Variants in BLNK observed in about 807,000 individuals in gnomAD.
The protein encoded by BLNK is B cell linker.
In BLNK, 29 loss-of-function variants were observed where a neutral mutation model predicts 73.5. The ratio of observed to expected loss-of-function variants is 0.39; its 90% CI spans 0.29 to 0.54. The LOEUF is 0.54. Among genes scored for constraint, BLNK ranks in the 20% least tolerant of loss-of-function variants. BLNK has a pLI of 0.61. For missense variants in BLNK, 460 were observed against 562.8 expected, an observed-to-expected ratio of 0.82 and a Z score of 1.85; for synonymous variants, 176 against 200.8, an observed-to-expected ratio of 0.88 and a Z score of 1.04.
Position 96,223,041 on chromosome 10 carries a change from CGATA to C in BLNK, c.525+781_525+784del, listed in dbSNP as rs1220366046. Among the ~76,000 whole-genome samples the C allele has an allele frequency of 5.9e-5, 9 of 152,138 alleles. No individual in the cohort carries two copies. The East Asian group carries it at 1.7e-3, about 29-fold the overall frequency. ...CCTGAAACTGGTGATGAGCAGTTTC[CGATA>C]AGATCTCAGGAGTTGGGCAAGTGGG... On this transcript the variant is annotated intron_variant, in intron 6 of 16. Coordinates refer to ENST00000224337, the MANE Select transcript of BLNK (RefSeq NM_013314.4).
chr10:96,238,372 C>T (rs1842770501), intron 3 of BLNK, among the ~76,000 whole-genome samples: 1 of 152,188 alleles, frequency 6.6e-6, no homozygotes, highest in South Asian at 2.1e-4. Flanking sequence ...GTTTCCAGAA[C>T]TGGAAAGAGG....
chr10:96,223,838 G>C lies in BLNK; in HGVS notation c.513C>G (p.Leu171=). 1 of 1,613,838 alleles carries C rather than the reference G, an allele frequency of 6.2e-7. No individual in the cohort carries two copies. The highest frequency in any genetic ancestry group is 8.5e-7 in the Non-Finnish European group (1 of 1,180,014). Residue 171 remains leucine (L), a synonymous_variant, in exon 6 of 17, where the codon CTC becomes CTG. Coordinates refer to ENST00000224337, the MANE Select transcript of BLNK (RefSeq NM_013314.4). ...KPQVPPKPKG[L]LEDEADYVVP... ...AGATTTACTTTACCTCATCCTCAAG[G>C]AGGCCTTTGGGTTTGGGTGGGACTT...
At chr10:96,215,215 C>T in intron 8 of BLNK, 106 bp downstream of exon 8, 2 of 1,283,738 alleles carry the variant, frequency 1.6e-6, no homozygotes, top group Non-Finnish European at 2.3e-6. Context: ...CCTTCTGTTC[C>T]CAATATTAAG....
At chr10:96,251,300 C>G (rs1843275616) in intron 1 of BLNK, among the ~76,000 whole-genome samples, 1 of 152,216 alleles carries the variant, frequency 6.6e-6, no homozygotes, top group South Asian at 2.1e-4. Context: ...ATGCACAGCT[C>G]TGCTGCTCTC....
intron 1 of BLNK, among the ~76,000 whole-genome samples, chr10:96,263,792 A>T (rs1843867530): frequency 1.3e-5 from 2 of 152,194 alleles, no homozygotes; most frequent in South Asian, 4.1e-4. Flanking sequence ...GAGGCTTAAC[A>T]CACAGTGAAG....
At chr10:96,215,216 C>A in intron 8 of BLNK, 105 bp downstream of exon 8, 1 of 1,277,440 alleles carries the variant, frequency 7.8e-7, no homozygotes, top group Non-Finnish European at 1.1e-6. Context: ...CTTCTGTTCC[C>A]AATATTAAGA....
intron 8 of BLNK, among the ~76,000 whole-genome samples, chr10:96,213,888 G>A (rs2084003577): frequency 6.6e-6 from 1 of 152,200 alleles, no homozygotes; most frequent in Non-Finnish European, 1.5e-5. Context: ...AGGGTAAGAT[G>A]AGCTGGCTAA....
chr10:96,213,269 A>G (rs929101234), intron 8 of BLNK, among the ~76,000 whole-genome samples: 2 of 152,238 alleles, frequency 1.3e-5, no homozygotes, highest in Non-Finnish European at 2.9e-5. Flanking sequence ...AGGGCACTAG[A>G]GGGATCTGTC....
chr10:96,223,770 C>G (rs10882746), intron 6 of BLNK, 56 bp downstream of exon 6: 2 of 1,600,034 alleles, frequency 1.2e-6, no homozygotes, highest in Admixed American at 1.7e-5. Flanking sequence ...CTGTCCTGGT[C>G]GCTTGCCCCA....
At chr10:96,216,758 GAGA>G (rs1554899979) in intron 6 of BLNK, 24 bp from the exon 7 acceptor site, 1 of 1,595,022 alleles carries the variant, frequency 6.3e-7, no homozygotes, top group African/African-American at 1.3e-5. Context: ...AAAACTGAAT[GAGA>G]AGAATGCTGT....
intron 3 of BLNK, among the ~76,000 whole-genome samples, chr10:96,241,559 C>A (rs1373000393): frequency 6.6e-6 from 1 of 152,088 alleles, no homozygotes; most frequent in Non-Finnish European, 1.5e-5. Context: ...TTATTACCCC[C>A]ACCCCTTCAA....
Position 96,215,303 on chromosome 10 carries a change from AT to A in BLNK, c.676+17del. The A allele has an allele frequency of 6.2e-7, 1 of 1,612,238 alleles. No individual in the cohort carries two copies. Among genetic ancestry groups the A allele is most frequent in the Non-Finnish European group, 8.5e-7 (1 of 1,178,340 alleles). Reference sequence around the variant, plus strand: ...TGAAATAGACGTAAAACCAAACCAAATCACACATACACTTTACCTGAAGCTG... The same window carrying A: ...TGAAATAGACGTAAAACCAAACCAAACACACATACACTTTACCTGAAGCTG... On this transcript the variant is annotated intron_variant, in intron 8 of 16. Coordinates refer to ENST00000224337, the MANE Select transcript of BLNK (RefSeq NM_013314.4).
chr10:96,247,521 C>T (rs1843096336), intron 1 of BLNK, among the ~76,000 whole-genome samples: 2 of 152,172 alleles, frequency 1.3e-5, no homozygotes, highest in Admixed American at 6.5e-5. Flanking sequence ...ATATTTGAAA[C>T]TTCTGTAGAA....
At chr10:96,249,539 T>C (rs1347949001) in intron 1 of BLNK, among the ~76,000 whole-genome samples, 1 of 152,178 alleles carries the variant, frequency 6.6e-6, no homozygotes, top group Non-Finnish European at 1.5e-5. Flanking sequence ...ATTTACAGGA[T>C]AGGGAATTGG....
chr10:96,196,929 G>T lies in BLNK; in HGVS notation c.1230C>A (p.Gly410=), dbSNP rs1591292563. The T allele has an allele frequency of 1.2e-6, 2 of 1,613,242 alleles. No homozygotes were observed. The highest frequency in any genetic ancestry group is 8.5e-7 in the Non-Finnish European group (1 of 1,179,664). ...TGACCTCTTCACCATTTTTCTTTCT[G>T]CCCAAGGCATATTGTTTTGTTGCTT... ...FIEATKQYAL[G]RKKNGEEYFG... is the part of the protein sequence containing the mutation. The change falls in exon 16 of 17, where the codon GGC becomes GGA. Residue 410 remains glycine (G), a synonymous_variant. Coordinates refer to ENST00000224337, the MANE Select transcript of BLNK (RefSeq NM_013314.4).
chr10:96,247,608 A>G (rs1843102563), intron 1 of BLNK, among the ~76,000 whole-genome samples: 1 of 152,202 alleles, frequency 6.6e-6, no homozygotes, highest in African/African-American at 2.4e-5. Context: ...ACTTCCTAGA[A>G]CTGAATCAAA....
intron 4 of BLNK, among the ~76,000 whole-genome samples, chr10:96,228,904 A>G (rs1326803798): frequency 6.6e-6 from 1 of 152,056 alleles, no homozygotes; most frequent in Non-Finnish European, 1.5e-5. Context: ...AAGCAATTTT[A>G]TATAGCAGGA....
intron 6 of BLNK, among the ~76,000 whole-genome samples, chr10:96,219,973 G>GTACA (rs1475522848): frequency 6.6e-6 from 1 of 152,182 alleles, no homozygotes; most frequent in African/African-American, 2.4e-5. Flanking sequence ...CCAGCCACCT[G>GTACA]TACAGTAAGG....
chr10:96,195,799 G>GT (rs2083450887), intron 16 of BLNK, among the ~76,000 whole-genome samples: 1 of 152,096 alleles, frequency 6.6e-6, no homozygotes, highest in East Asian at 1.9e-4. Context: ...TTTTATATGT[G>GT]GTTTTTTAAC....
Sources: gnomAD v4.1 joint callset for allele counts (sites outside exome capture counted in the v4.1 genomes callset) on GRCh38, gnomAD v4.1.1 for gene constraint, MANE v1.5 for transcripts, NCBI Gene and HGNC (gene_info 2026-07-23, HGNC 2026-07-21) for gene names.